The following CEP152 variants were observed in gnomAD, a reference collection of about 807,000 sequenced individuals.
The protein encoded by CEP152 is centrosomal protein 152, also known as centrosomal protein of 152 kDa.
A neutral mutation model predicts 188.9 loss-of-function variants in CEP152; 132 were observed. The ratio of observed to expected loss-of-function variants is 0.70; its 90% CI spans 0.61 to 0.81. The LOEUF (loss-of-function observed/expected upper bound fraction) is 0.81, where lower values mean the gene tolerates loss of function less well. Ranked by LOEUF, CEP152 falls within the 30% of genes least tolerant of loss-of-function variation. The probability of loss-of-function intolerance (pLI) is 0.00; values close to 1 mark genes in which losing one functional copy is unlikely to be tolerated. For missense variants in CEP152, 1,914 were observed against 1,969.8 expected (o/e 0.97, Z 0.54); for synonymous variants, 649 against 666.6 (o/e 0.97, Z 0.41).
intron 9 of CEP152, among the ~76,000 whole-genome samples, chr15:48,786,434 T>C (rs137887305): frequency 6.6e-4 from 101 of 152,288 alleles, no homozygotes; most frequent in African/African-American, 2.4e-3. Context: ...CAATCTTTTC[T>C]ACCCAGAAAA....
rs569164487 is a variant in CEP152 at position 48,738,038 on chromosome 15, C to T, written c.*211G>A. ...GTTTAGAAACCAAAAATAAGCACCA[C>T]ACAAAAGCAGATTATACATACACCA... On this transcript the variant is annotated 3_prime_UTR_variant, in exon 27 of 27. Coordinates refer to ENST00000380950, the MANE Select transcript of CEP152 (RefSeq NM_001194998.2). 1.8e-6 allele frequency: 1 copy of T among 556,290 alleles called. No homozygotes were observed. The highest frequency in any genetic ancestry group is 3.6e-5 in the Admixed American group (1 of 28,166). 34.5% of individuals were successfully genotyped at this position (556,290 alleles called of 1,614,324 possible). A position where few individuals can be genotyped will look rare whatever the true frequency, so the allele number is the denominator to read the frequency against.
rs570642031 is a variant in CEP152 at position 48,758,252 on chromosome 15, C to T, written c.2695-1699G>A. 2.4e-4 allele frequency among the ~76,000 whole-genome samples: 37 copies of T among 152,340 alleles called. No individual in the cohort carries two copies. In the South Asian group the frequency reaches 7.5e-3, roughly 31 times the overall value. Reference sequence around the variant, plus strand: ...ACAGATCTCAACTAATCACTCTAATCTTAAAATAACTCTATAGCCAATGCT... The same window carrying T: ...ACAGATCTCAACTAATCACTCTAATTTTAAAATAACTCTATAGCCAATGCT... On this transcript the variant is annotated intron_variant, in intron 19 of 26. Transcript: ENST00000380950.
intron 8 of CEP152, among the ~76,000 whole-genome samples, chr15:48,789,597 G>T (rs1896882298): frequency 1.3e-5 from 2 of 152,214 alleles, no homozygotes; most frequent in Non-Finnish European, 2.9e-5. Context: ...TAATTAGATT[G>T]CCTTAAAATA....
chr15:48,767,323 C>T lies in CEP152; in HGVS notation c.2147+12G>A. ...CTACAGCTTAAAAGGCAGCTAAACT[C>T]TTTATTCTCACCTCAGTTGCAAATG... On this transcript the variant is annotated intron_variant, in intron 16 of 26. Coordinates refer to ENST00000380950, the MANE Select transcript of CEP152 (RefSeq NM_001194998.2). 6.2e-7 allele frequency: 1 copy of T among 1,614,176 alleles called. No individual in the cohort carries two copies. The highest frequency in any genetic ancestry group is 8.5e-7 in the Non-Finnish European group (1 of 1,180,022).
Position 48,772,636 on chromosome 15 carries a change from T to A in CEP152, c.1633A>T (p.Lys545Ter). The A allele has an allele frequency of 6.2e-7, 1 of 1,614,138 alleles. No individual in the cohort carries two copies. The highest frequency in any genetic ancestry group is 8.5e-7 in the Non-Finnish European group (1 of 1,180,022). Reference sequence around the variant, plus strand: ...AAACGCTGTACTTCTGCCTTTAACTTCAGAATGAACTCATCTTTTGAAAGC... The same window carrying A: ...AAACGCTGTACTTCTGCCTTTAACTACAGAATGAACTCATCTTTTGAAAGC... ...EELSKDEFIL[K>*]LKAEVQRLLG... The change falls in exon 13 of 27, where the codon AAG becomes TAG. Residue 545 changes from lysine to a stop codon, truncating the protein, a stop_gained. Transcript: ENST00000380950. LOFTEE classifies it high-confidence loss of function.
intron 1 of CEP152, among the ~76,000 whole-genome samples, chr15:48,809,635 CA>C (rs1047345750): frequency 3.9e-5 from 6 of 152,158 alleles, no homozygotes; most frequent in African/African-American, 1.4e-4. Context: ...CAATCTTGAG[CA>C]AACTGTTTCT....
At chr15:48,796,316 A>C (rs911865323) in intron 5 of CEP152, among the ~76,000 whole-genome samples, 156 bp from the exon 6 acceptor site, 58 of 152,036 alleles carry the variant, frequency 3.8e-4, no homozygotes, top group Admixed American at 2.0e-3. Flanking sequence ...ACACACACAC[A>C]CACACACATA....
intron 24 of CEP152, among the ~76,000 whole-genome samples, chr15:48,743,094 A>G (rs563931860): frequency 1.7e-4 from 26 of 152,360 alleles, no homozygotes; most frequent in African/African-American, 5.3e-4. Flanking sequence ...TAGGATGAAA[A>G]CATGCTTAAA....
chr15:48,796,323 C>CAT (rs201681953), intron 5 of CEP152, among the ~76,000 whole-genome samples, 163 bp from the exon 6 acceptor site: 78 of 135,472 alleles, frequency 5.8e-4, no homozygotes, highest in African/African-American at 2.1e-3. Flanking sequence ...CACACACACA[C>CAT]ATATATATAT....
rs199901990 is a variant in CEP152 at position 48,793,353 on chromosome 15, C to T, written c.800G>A (p.Arg267Gln). 4.3e-6 allele frequency: 7 copies of T among 1,613,934 alleles called. No individual in the cohort carries two copies. Among genetic ancestry groups the T allele is most frequent in the South Asian group, 3.3e-5 (3 of 91,066 alleles). Residue 267 changes from arginine to glutamine, a missense_variant, in exon 7 of 27, where the codon CGA (arginine) becomes CAA (glutamine). Coordinates refer to ENST00000380950, the MANE Select transcript of CEP152 (RefSeq NM_001194998.2). ...TATTACAAGCTGGTGATTCAGATAT[C>T]GAATTTGACGTTCACTTTCATTTAA... ...EKLNESERQI[R>Q]YLNHQLVIIK...
intron 12 of CEP152, 66 bp downstream of exon 12, chr15:48,781,130 T>TA (rs1339171631): frequency 3.9e-5 from 53 of 1,366,680 alleles, no homozygotes; most frequent in Non-Finnish European, 5.3e-5. Context: ...TTAAAACAGA[T>TA]ACCATGCATC....
At chr15:48,730,295 A>G (rs1017477482) in intron 2 of CEP152, among the ~76,000 whole-genome samples, 1 of 152,204 alleles carries the variant, frequency 6.6e-6, no homozygotes, top group Non-Finnish European at 1.5e-5. Flanking sequence ...GGGTTAGTTA[A>G]AAACAGTAAA....
intron 8 of CEP152, 99 bp downstream of exon 8, chr15:48,791,137 TA>T: frequency 9.8e-7 from 1 of 1,020,970 alleles, no homozygotes; most frequent in Non-Finnish European, 1.4e-6. Context: ...GCTTTGTCAA[TA>T]ACTTCAAAGT....
At chr15:48,787,628 T>C (rs1896747994) in intron 9 of CEP152, among the ~76,000 whole-genome samples, 1 of 152,188 alleles carries the variant, frequency 6.6e-6, no homozygotes, top group Admixed American at 6.5e-5. Flanking sequence ...TAATGCACTC[T>C]TATATAGTTC....
chr15:48,783,079 T>C (rs879648361), intron 10 of CEP152: 4 of 152,216 alleles, frequency 2.6e-5, no homozygotes, highest in Non-Finnish European at 5.9e-5. Flanking sequence ...TTACCTTTCA[T>C]ATGCCAAAGT....
rs11852603 is a variant in CEP152 at position 48,791,677 on chromosome 15, C to T, written c.833-301G>A. ...GATTACAGGCACCTGCCACCACTCC[C>T]AGATAATTTTTATATTTTTAGTAGA... On this transcript the variant is annotated intron_variant, in intron 7 of 26. Transcript: ENST00000380950. 0.4 allele frequency among the ~76,000 whole-genome samples: 61,095 copies of T among 151,826 alleles called. 12,722 individuals are homozygous for T. Among genetic ancestry groups the T allele is most frequent in the Middle Eastern group, 0.47 (138 of 294 alleles).
rs759826252 is a variant in CEP152 at position 48,805,590 on chromosome 15, G to A, written c.60C>T (p.Asp20=). The A allele has an allele frequency of 2.5e-5, 39 of 1,587,162 alleles. 1 individual carries two copies. In the South Asian group the frequency reaches 3.0e-4, roughly 12 times the overall value. The change falls in exon 2 of 27, where the codon GAC becomes GAT. Residue 20 remains aspartate, a synonymous_variant. Transcript: ENST00000380950. ...CTTTCTCTCTTTCATAGTCCTCTTCGTCATACTCTTCATCTTCATTTTGCA... is the reference window on the plus strand; with the variant it reads ...CTTTCTCTCTTTCATAGTCCTCTTCATCATACTCTTCATCTTCATTTTGCA... ...LPVQNEDEEY[D]EEDYEREKEL...
chr15:48,799,160 GA>G (rs148060758), intron 2 of CEP152, among the ~76,000 whole-genome samples: 4 of 145,840 alleles, frequency 2.7e-5, no homozygotes, highest in African/African-American at 7.5e-5. Flanking sequence ...AACCTTTCAG[GA>G]AAAAAAAAAT....
chr15:48,777,767 T>C (rs1165469874), intron 12 of CEP152, among the ~76,000 whole-genome samples: 1 of 152,186 alleles, frequency 6.6e-6, no homozygotes, highest in African/African-American at 2.4e-5. Context: ...TTAAGCAGAA[T>C]GATTATTTTG....
Sources: gnomAD v4.1 joint callset for allele counts (sites outside exome capture counted in the v4.1 genomes callset) on GRCh38, gnomAD v4.1.1 for gene constraint, MANE v1.5 for transcripts, NCBI Gene and HGNC (gene_info 2026-07-23, HGNC 2026-07-21) for gene names.